SH3BGR: variants seen among roughly 807,000 people sequenced by gnomAD.
SH3BGR encodes the protein SH3 domain-binding glutamic acid-rich protein.
A neutral mutation model predicts 24.5 loss-of-function variants in SH3BGR; 29 were observed. The observed-to-expected ratio is 1.18, with a 90% confidence interval of 0.88 to 1.61. The LOEUF (loss-of-function observed/expected upper bound fraction) is 1.61, where lower values mean the gene tolerates loss of function less well. SH3BGR is among the 40% of genes most tolerant of loss of function. The pLI is 0.00. For missense variants in SH3BGR, 162 were observed against 205.8 expected, an observed-to-expected ratio of 0.79 and a Z score of 1.30; for synonymous variants, 55 against 65.7, an observed-to-expected ratio of 0.84 and a Z score of 0.79.
intron 3 of SH3BGR, among the ~76,000 whole-genome samples, chr21:39,490,121 T>G (rs911713839): frequency 7.9e-5 from 12 of 152,242 alleles, no homozygotes; most frequent in Non-Finnish European, 1.6e-4. Context: ...TAGAGAATTA[T>G]GTTTAATGAT....
At chr21:39,451,842 G>T, upstream of SH3BGR, 3 of 1,552,134 alleles carry the variant, frequency 1.9e-6, no homozygotes, top group South Asian at 3.5e-5. Flanking sequence ...TGCTTTTATC[G>T]ACCAATCAAA....
At chr21:39,506,580 A>G (rs751132339) in intron 4 of SH3BGR, among the ~76,000 whole-genome samples, 18 of 152,224 alleles carry the variant, frequency 1.2e-4, no homozygotes, top group Non-Finnish European at 2.5e-4. Context: ...CATGTCTTAC[A>G]TGGTGGCAAA....
intron 3 of SH3BGR, among the ~76,000 whole-genome samples, chr21:39,483,878 C>T (rs2123430899): frequency 6.6e-6 from 1 of 152,252 alleles, no homozygotes; most frequent in East Asian, 1.9e-4. Context: ...GTTGATACCT[C>T]ACTTGGTATT....
intron 3 of SH3BGR, among the ~76,000 whole-genome samples, chr21:39,481,780 C>G (rs186673031): frequency 6.6e-6 from 1 of 151,968 alleles, no homozygotes; most frequent in Non-Finnish European, 1.5e-5. Context: ...GGTCAAATAT[C>G]GAATAAATGA....
rs1016214915 is a variant in SH3BGR, at chr21:39,488,665, G to A, written c.313-11158G>A. 7 of 377,918 alleles carry A rather than the reference G, an allele frequency of 1.9e-5. 1 individual carries two copies. Among genetic ancestry groups the A allele is most frequent in the South Asian group, 5.0e-5 (2 of 39,944 alleles). 23.4% of individuals were successfully genotyped at this position (377,918 alleles called of 1,614,324 possible). ...GGAAGAGAAGGGCACCATCATGGGC[G>A]CTGAAATCCGGCAAGTCCTTGTCAT... On this transcript the variant is annotated intron_variant, in intron 3 of 6. Transcript: ENST00000333634.
intron 4 of SH3BGR, among the ~76,000 whole-genome samples, chr21:39,500,851 G>T (rs992566391): frequency 6.6e-6 from 1 of 152,186 alleles, no homozygotes; most frequent in Admixed American, 6.5e-5. Flanking sequence ...GTGGGGCTGG[G>T]CATCCATTTG....
chr21:39,492,893 A>G (rs1029438217), intron 3 of SH3BGR, among the ~76,000 whole-genome samples: 1 of 152,076 alleles, frequency 6.6e-6, no homozygotes, highest in East Asian at 1.9e-4. Flanking sequence ...GCATTTTTGC[A>G]TATGTTTCTT....
intron 2 of SH3BGR, among the ~76,000 whole-genome samples, chr21:39,468,967 A>G (rs2077889581): frequency 6.7e-6 from 1 of 149,056 alleles, no homozygotes; most frequent in Non-Finnish European, 1.5e-5. Flanking sequence ...CTTTTTCATA[A>G]GTTGGTTTTC....
At chr21:39,510,443 CACACACACACACTGTAGCT>C (rs946753275) in intron 5 of SH3BGR, among the ~76,000 whole-genome samples, 7 of 107,974 alleles carry the variant, frequency 6.5e-5, no homozygotes, top group Non-Finnish European at 9.6e-5. Context: ...CACACACACA[CACACACACACACTGTAGCT>C]ACACACACAC....
chr21:39,510,012 G>A (rs1230166981), intron 5 of SH3BGR, among the ~76,000 whole-genome samples: 4 of 147,268 alleles, frequency 2.7e-5, no homozygotes, highest in African/African-American at 1.0e-4. Flanking sequence ...GCGCAATCTC[G>A]GCTCACTGCA....
intron 4 of SH3BGR, among the ~76,000 whole-genome samples, chr21:39,502,998 T>C (rs1452033483): frequency 2.0e-5 from 3 of 151,492 alleles, no homozygotes; most frequent in South Asian, 4.2e-4. Context: ...TTTTTTTTTT[T>C]CCTCAGGGAC....
chr21:39,450,303 T>C (rs144701133), upstream of SH3BGR, among the ~76,000 whole-genome samples: 668 of 152,350 alleles, frequency 4.4e-3, 8 homozygotes, highest in African/African-American at 0.015. Flanking sequence ...TCAAGGACCT[T>C]ATTTTTGGAG....
Position 39,504,539 on chromosome 21 carries a change from G to T in SH3BGR, c.406-4459G>T, listed in dbSNP as rs142694273. Among the ~76,000 whole-genome samples the T allele has an allele frequency of 1.4e-3, 206 of 152,276 alleles. 2 individuals are homozygous for T. The highest frequency in any genetic ancestry group is 4.5e-3 in the African/African-American group (187 of 41,572). On this transcript the variant is annotated intron_variant, in intron 4 of 6. Coordinates refer to ENST00000333634, the MANE Select transcript of SH3BGR (RefSeq NM_007341.3). ...GGCCAAGTTTCCAACAAAAATAGCT[G>T]CTGTGGAAGGTTCTAAGACTTCCCA...
At chr21:39,510,203 A>G (rs1228700957) in intron 5 of SH3BGR, among the ~76,000 whole-genome samples, 1 of 151,648 alleles carries the variant, frequency 6.6e-6, no homozygotes, top group African/African-American at 2.4e-5. Flanking sequence ...CGGCCTCCCA[A>G]AGTGCTGGGA....
intron 3 of SH3BGR, among the ~76,000 whole-genome samples, chr21:39,479,423 G>A (rs1026585951): frequency 3.4e-5 from 5 of 149,064 alleles, no homozygotes; most frequent in East Asian, 1.9e-4. Context: ...GGTAGTGGTG[G>A]TGAGGTGGGT....
rs370826538 is a variant in SH3BGR, at chr21:39,456,631, AGGCATCCAC to A, written c.45+4495_45+4503del. Among the ~76,000 whole-genome samples the A allele has an allele frequency of 8.5e-4, 130 of 152,242 alleles. 1 individual carries two copies. The highest frequency in any genetic ancestry group is 3.0e-3 in the African/African-American group (123 of 41,536). ...CATGCGGGGTAGCAGATCTAGTGCC[AGGCATCCAC>A]GGCACAGCTGTGGGAGGAGGGCACC... On this transcript the variant is annotated intron_variant, in intron 1 of 6. Coordinates refer to ENST00000333634, the MANE Select transcript of SH3BGR (RefSeq NM_007341.3).
chr21:39,510,909 C>CTATATATA (rs61692072), intron 5 of SH3BGR, among the ~76,000 whole-genome samples: 2,774 of 65,666 alleles, frequency 0.042, 238 homozygotes, highest in East Asian at 0.076. Flanking sequence ...ATTCTTCTAA[C>CTATATATA]TATATATATA....
At chr21:39,452,297 A>T in intron 1 of SH3BGR, 156 bp downstream of exon 1, 1 of 353,436 alleles carries the variant, frequency 2.8e-6, no homozygotes. Flanking sequence ...ATTTGATTTC[A>T]TAGTGTTGAA....
In SH3BGR at chr21:39,511,445, T is replaced by C. The variant is rs2078693076; in HGVS notation, c.436-235T>C. ...GGGGGGGTGTGTGTGCTGTGTGTCA[T>C]GTGTGTTTCCGTGGTGTGTGTGTGT... is the stretch of plus-strand genomic sequence containing the variant. On this transcript the variant is annotated intron_variant, in intron 5 of 6. Coordinates refer to ENST00000333634, the MANE Select transcript of SH3BGR (RefSeq NM_007341.3). The surrounding 1 kb of genome is among the most constrained non-coding windows in gnomAD (Gnocchi z 4.2). Among the ~76,000 whole-genome samples, 1 of 147,896 alleles carries C rather than the reference T, an allele frequency of 6.8e-6. No homozygotes were observed. Among genetic ancestry groups the C allele is most frequent in the Admixed American group, 6.8e-5 (1 of 14,766 alleles).
Sources: allele counts gnomAD v4.1 joint callset (sites outside exome capture counted in the v4.1 genomes callset), GRCh38; gene constraint gnomAD v4.1.1; non-coding constraint Gnocchi (gnomAD v3.1); transcripts MANE v1.5; gene names NCBI Gene and HGNC (gene_info 2026-07-23, HGNC 2026-07-21).